PLA1A: variants seen among roughly 807,000 people sequenced by gnomAD.
PLA1A encodes phosphatidylserine-specific phospholipase A1alpha.
A neutral mutation model predicts 49.4 loss-of-function variants in PLA1A; 47 were observed. The observed-to-expected ratio is 0.95, with a 90% CI of 0.75 to 1.21. The LOEUF (loss-of-function observed/expected upper bound fraction) is 1.21, where lower values mean the gene tolerates loss of function less well. Among genes scored for constraint, PLA1A ranks in the 50% most tolerant of loss-of-function variants. The pLI, the probability that PLA1A is intolerant of heterozygous loss-of-function variation, is 0.00. For synonymous variants in PLA1A, 224 were observed against 207.9 expected, an observed-to-expected ratio of 1.08 and a Z score of -0.67; for missense variants, 561 against 563.9, an observed-to-expected ratio of 0.99 and a Z score of 0.05.
chr3:119,615,083 T>C (rs1289402325), intron 5 of PLA1A, among the ~76,000 whole-genome samples: 5 of 152,222 alleles, frequency 3.3e-5, no homozygotes, highest in Non-Finnish European at 4.4e-5. Flanking sequence ...GGATGGCTTA[T>C]AGGTCATTGC....
At chr3:119,615,948 T>C (rs996330665) in intron 5 of PLA1A, 64 bp from the exon 6 acceptor site, 8 of 1,038,840 alleles carry the variant, frequency 7.7e-6, no homozygotes, top group Non-Finnish European at 1.2e-5. Context: ...AGGTCAGAGT[T>C]TGAGGTCCGC....
intron 9 of PLA1A, among the ~76,000 whole-genome samples, chr3:119,627,207 T>G (rs958224271): frequency 5.9e-5 from 9 of 152,198 alleles, no homozygotes; most frequent in Admixed American, 2.6e-4. Context: ...CAGAACATGA[T>G]TCACTTCTTG....
At chr3:119,618,634 T>G (rs903492475) in intron 7 of PLA1A, among the ~76,000 whole-genome samples, 2 of 152,172 alleles carry the variant, frequency 1.3e-5, no homozygotes, top group African/African-American at 4.8e-5. Flanking sequence ...GATGCCTAGT[T>G]GCTGGAGGAC....
chr3:119,606,732 C>A, intron 1 of PLA1A, 42 bp from the exon 2 acceptor site: 5 of 1,509,308 alleles, frequency 3.3e-6, no homozygotes, highest in Non-Finnish European at 3.7e-6. Context: ...GAACAGATGA[C>A]CTCACCTTGG....
intron 8 of PLA1A, among the ~76,000 whole-genome samples, chr3:119,622,758 A>G (rs763412297): frequency 2.1e-5 from 3 of 146,334 alleles, no homozygotes; most frequent in Non-Finnish European, 4.5e-5. Context: ...AAATGCCACC[A>G]GGTTGCACCT....
Position 119,615,919 on chromosome 3 carries a change from G to A in PLA1A, c.665-93G>A, listed in dbSNP as rs940900071. Reference sequence around the variant, plus strand: ...CACAGCACTTAGAAGTGACGTGGCAGAGAGTGGGTGGGCTCCCAAGGTCAG... The same window carrying A: ...CACAGCACTTAGAAGTGACGTGGCAAAGAGTGGGTGGGCTCCCAAGGTCAG... On this transcript the variant is annotated intron_variant, in intron 5 of 10. Coordinates refer to ENST00000273371, the MANE Select transcript of PLA1A (RefSeq NM_015900.4). 1.5e-5 allele frequency: 11 copies of A among 740,442 alleles called. No homozygotes were observed. In the Admixed American group the frequency reaches 2.2e-4, roughly 15 times the overall value. 45.9% of individuals were successfully genotyped at this position (740,442 alleles called of 1,614,324 possible). A position where few individuals can be genotyped will look rare whatever the true frequency, so the allele number is the denominator to read the frequency against.
rs150705035 is a variant in PLA1A, at chr3:119,608,788, T to C, written c.294T>C (p.Pro98=). The C allele has an allele frequency of 2.9e-5, 47 of 1,613,808 alleles. No individual in the cohort carries two copies. Among genetic ancestry groups the C allele is most frequent in the Non-Finnish European group, 3.9e-5 (46 of 1,179,800 alleles). Residue 98 remains proline, a synonymous_variant, in exon 3 of 11, where the codon CCT becomes CCC. Coordinates refer to ENST00000273371, the MANE Select transcript of PLA1A (RefSeq NM_015900.4). ...IHGFRVLGTK[P]SWIDTFIRTL... ...TGTCTAGGGTTTTAGGAACAAAGCC[T>C]TCCTGGATTGACACATTTATTAGAA... is the stretch of plus-strand genomic sequence containing the variant.
chr3:119,625,728 C>T (rs189422261), intron 9 of PLA1A, among the ~76,000 whole-genome samples: 5 of 152,274 alleles, frequency 3.3e-5, no homozygotes, highest in African/African-American at 7.2e-5. Flanking sequence ...GCCAGACTAG[C>T]GGCCAGGAGG....
chr3:119,628,555 G>A, intron 9 of PLA1A, 146 bp from the exon 10 acceptor site: 2 of 622,168 alleles, frequency 3.2e-6, no homozygotes, highest in Non-Finnish European at 5.7e-6. Context: ...GCTGGTGAAG[G>A]TGACACAAAG....
At chr3:119,610,218 T>C (rs1156649934) in intron 4 of PLA1A, among the ~76,000 whole-genome samples, 1 of 152,212 alleles carries the variant, frequency 6.6e-6, no homozygotes, top group Non-Finnish European at 1.5e-5. Flanking sequence ...CTTTATCCAG[T>C]CTACCATTGG....
intron 6 of PLA1A, among the ~76,000 whole-genome samples, chr3:119,616,533 G>A (rs2082850501): frequency 6.6e-6 from 1 of 152,122 alleles, no homozygotes; most frequent in Non-Finnish European, 1.5e-5. Context: ...TATATTTATT[G>A]ATATATTCTT....
intron 9 of PLA1A, among the ~76,000 whole-genome samples, 185 bp from the exon 10 acceptor site, chr3:119,628,516 T>C (rs1577158988): frequency 1.3e-5 from 2 of 152,204 alleles, no homozygotes; most frequent in South Asian, 2.1e-4. Flanking sequence ...TTCTTGGTCA[T>C]ATTCAAAGCT....
At chr3:119,611,731 T>G (rs116382755) in intron 4 of PLA1A, among the ~76,000 whole-genome samples, 16 of 152,356 alleles carry the variant, frequency 1.1e-4, no homozygotes, top group Non-Finnish European at 2.2e-4. Flanking sequence ...TTGCTGGAGT[T>G]GTTTATCAGG....
rs867944595 is a variant in PLA1A, at chr3:119,613,098, C to T, written c.644C>T (p.Ala215Val). 1 of 1,606,844 alleles carries T rather than the reference C, an allele frequency of 6.2e-7. No homozygotes were observed. Among genetic ancestry groups the T allele is most frequent in the Admixed American group, 1.7e-5 (1 of 59,382 alleles). The change falls in exon 5 of 11, where the codon GCC (alanine) becomes GTC (valine). Residue 215 changes from alanine (A) to valine (V), a missense_variant. By Grantham distance (64) the Ala-to-Val change is moderately conservative (BLOSUM62 0). Transcript: ENST00000273371. ...GCTGGAGATGCCCTCTTCGTGGAAGCCATCCACACAGACACCGACAGTGAG... is the reference window on the plus strand; with the variant it reads ...GCTGGAGATGCCCTCTTCGTGGAAGTCATCCACACAGACACCGACAGTGAG... The part of the protein sequence containing the change: ...LDAGDALFVE[A>V]IHTDTDNLGI...
chr3:119,598,924 C>T (rs1475869307), intron 1 of PLA1A, among the ~76,000 whole-genome samples: 1 of 152,164 alleles, frequency 6.6e-6, no homozygotes, highest in African/African-American at 2.4e-5. Flanking sequence ...TTCAGAGGTG[C>T]TGTTGAGCTC....
At chr3:119,628,223 C>G (rs531484704) in intron 9 of PLA1A, among the ~76,000 whole-genome samples, 1 of 152,242 alleles carries the variant, frequency 6.6e-6, no homozygotes, top group Non-Finnish European at 1.5e-5. Flanking sequence ...GAAGACAAAC[C>G]TGGGTTCCAC....
intron 8 of PLA1A, among the ~76,000 whole-genome samples, chr3:119,624,909 G>A (rs1486782608): frequency 1.3e-5 from 2 of 152,226 alleles, no homozygotes; most frequent in African/African-American, 2.4e-5. Context: ...GGGATTACAG[G>A]CGTGAACCAC....
chr3:119,628,123 T>G (rs1577158683), intron 9 of PLA1A, among the ~76,000 whole-genome samples: 1 of 152,228 alleles, frequency 6.6e-6, no homozygotes, highest in South Asian at 2.1e-4. Context: ...CATAGCAGCA[T>G]GTAGGGAAGC....
At chr3:119,618,751 C>T (rs111594743) in intron 7 of PLA1A, among the ~76,000 whole-genome samples, 1,900 of 151,672 alleles carry the variant, frequency 0.013, 18 homozygotes, top group Middle Eastern at 0.02. Context: ...ATGCATATCC[C>T]GTGGTTATCC....
Sources: allele counts gnomAD v4.1 joint callset (sites outside exome capture counted in the v4.1 genomes callset), GRCh38; gene constraint gnomAD v4.1.1; transcripts MANE v1.5; gene names NCBI Gene and HGNC (gene_info 2026-07-23, HGNC 2026-07-21).